Variants in TTI2 observed in about 807,000 individuals in gnomAD.
The protein encoded by TTI2 is TELO2-interacting protein 2.
In TTI2, 26 loss-of-function variants were observed where a neutral mutation model predicts 44.9. The observed-to-expected ratio is 0.58, with a 90% CI of 0.42 to 0.80. The LOEUF is 0.80. Ranked by LOEUF, TTI2 falls within the 30% of genes least tolerant of loss-of-function variation. TTI2 has a pLI of 0.00. For missense variants in TTI2, 582 were observed against 611.6 expected (o/e 0.95, Z 0.51); for synonymous variants, 254 against 250.9 (o/e 1.01, Z -0.12).
At chr8:33,500,014 C>A in intron 7 of TTI2, 2 of 183,942 alleles carry the variant, frequency 1.1e-5, no homozygotes, top group Admixed American at 6.0e-5. Context: ...TTTTTTAATT[C>A]AGAAGACTAG....
intron 1 of TTI2, 160 bp downstream of exon 1, chr8:33,512,922 A>G (rs1040282818): frequency 2.1e-5 from 5 of 241,570 alleles, no homozygotes; most frequent in Non-Finnish European, 4.1e-5. Context: ...GGACGCAAGA[A>G]AGGGAAAGGG....
At chr8:33,509,999 A>C (rs1447286272) in intron 2 of TTI2, 67 bp from the exon 3 acceptor site, 20 of 1,021,610 alleles carry the variant, frequency 2.0e-5, no homozygotes, top group Non-Finnish European at 2.6e-5. Context: ...AAAAAAAAAA[A>C]CTACTTCAAG....
intron 6 of TTI2, 167 bp from the exon 7 acceptor site, chr8:33,500,657 T>G (rs1330895977): frequency 2.7e-6 from 2 of 736,392 alleles, no homozygotes; most frequent in African/African-American, 3.6e-5. Context: ...GCCTCTAGAT[T>G]TCTTACCCTC....
Position 33,499,291 on chromosome 8 carries a change from C to T in TTI2, c.1423-14G>A. The stretch of plus-strand genomic sequence containing the variant: ...GGCCAGGAGACCCTGAAACATGAAA[C>T]CAAACAGGCTTTGATATTTTTTTTT... On this transcript the variant is annotated splice_polypyrimidine_tract_variant and intron_variant, in intron 7 of 7. Transcript: ENST00000431156. 6.3e-7 allele frequency: 1 copy of T among 1,576,784 alleles called. No homozygotes were observed. Among genetic ancestry groups the T allele is most frequent in the South Asian group, 1.1e-5 (1 of 90,278 alleles).
chr8:33,504,039 TA>T (rs1218568065), intron 4 of TTI2, 104 bp from the exon 5 acceptor site: 2 of 1,202,380 alleles, frequency 1.7e-6, no homozygotes, highest in Non-Finnish European at 2.4e-6. Context: ...TTAGGGTCCA[TA>T]CCAGAGAATT....
intron 6 of TTI2, among the ~76,000 whole-genome samples, chr8:33,501,570 T>G (rs1809079755): frequency 6.6e-6 from 1 of 152,234 alleles, no homozygotes; most frequent in Non-Finnish European, 1.5e-5. Context: ...TAATACTAGG[T>G]ACTGAACATA....
Position 33,512,099 on chromosome 8 carries a change from G to C in TTI2, c.515C>G (p.Ala172Gly). 1 of 1,614,088 alleles carries C rather than the reference G, an allele frequency of 6.2e-7. No homozygotes were observed. The highest frequency in any genetic ancestry group is 8.5e-7 in the Non-Finnish European group (1 of 1,180,004). The change falls in exon 2 of 8, where the codon GCT (alanine) becomes GGT (glycine). Residue 172 changes from alanine to glycine, a missense_variant. Physicochemically the swap from Ala to Gly is moderately conservative, Grantham distance 60 (BLOSUM62 0). Coordinates refer to ENST00000431156, the MANE Select transcript of TTI2 (RefSeq NM_001102401.4). ...AAGCAGTGAGGTGAGCACCTCCCTA[G>C]CAACTTCCCGAGATCTCGGAGTGGT... ...PWTTPRSREVAREVLTSLLQV... is the reference protein window; with the variant it reads ...PWTTPRSREVGREVLTSLLQV...
At chr8:33,509,538 C>T (rs991319192) in intron 3 of TTI2, among the ~76,000 whole-genome samples, 3 of 151,636 alleles carry the variant, frequency 2.0e-5, no homozygotes, top group Non-Finnish European at 4.4e-5. Flanking sequence ...TTGATAATGA[C>T]CCATGCCTTC....
chr8:33,500,599 C>A, intron 6 of TTI2, 109 bp from the exon 7 acceptor site: 1 of 1,357,494 alleles, frequency 7.4e-7, no homozygotes, highest in Admixed American at 2.3e-5. Flanking sequence ...AATTAAGGAA[C>A]TTAGGTCAAA....
At chr8:33,502,943 CAT>C (rs1809147000) in intron 6 of TTI2, among the ~76,000 whole-genome samples, 1 of 151,950 alleles carries the variant, frequency 6.6e-6, no homozygotes, top group African/African-American at 2.4e-5. Context: ...GCCTGGCCAA[CAT>C]AGTGAAACCC....
chr8:33,508,207 C>T (rs1011978168), intron 3 of TTI2, among the ~76,000 whole-genome samples: 1 of 150,464 alleles, frequency 6.6e-6, no homozygotes, highest in Admixed American at 6.6e-5. Flanking sequence ...TGTGAAGATC[C>T]CCATGTACAC....
Position 33,512,334 on chromosome 8 carries a change from C to T in TTI2, c.280G>A (p.Ala94Thr). 6.2e-7 allele frequency: 1 copy of T among 1,614,128 alleles called. No individual in the cohort carries two copies. The highest frequency in any genetic ancestry group is 8.5e-7 in the Non-Finnish European group (1 of 1,179,958). Residue 94 changes from alanine to threonine, a missense_variant, in exon 2 of 8, where the codon GCC becomes ACC. Physicochemically the swap from Ala to Thr is moderately conservative, Grantham distance 58 (BLOSUM62 0). Transcript: ENST00000431156. ...QVAKALEKYA[A>T]PSKEEEGGGD... is the part of the protein sequence containing the mutation. ...CCACCTTCCTCCTCCTTGGAGGGGG[C>T]TGCATACTTCTCCAGGGCTTTTGCT...
Position 33,498,724 on chromosome 8 carries a change from TTTTGTGTTGTACTGAACACAATA to T in TTI2, c.*426_*448del. The T allele has an allele frequency of 9.4e-7, 1 of 1,065,718 alleles. No individual in the cohort carries two copies. The highest frequency in any genetic ancestry group is 1.4e-6 in the Non-Finnish European group (1 of 736,920). 66.0% of individuals were successfully genotyped at this position (1,065,718 alleles called of 1,614,324 possible). Reference sequence around the variant, plus strand: ...ACATACACACCTCCAGTTTTTGCTCTTTTGTGTTGTACTGAACACAATATTTGTGTTTTTATTATTTATGCCAC... The same window carrying T: ...ACATACACACCTCCAGTTTTTGCTCTTTTGTGTTTTTATTATTTATGCCAC... On this transcript the variant is annotated 3_prime_UTR_variant, in exon 8 of 8. Transcript: ENST00000431156.
chr8:33,507,281 AGGAC>A lies in TTI2; in HGVS notation c.871_874del (p.Val291TyrfsTer54), dbSNP rs761548623. The stretch of plus-strand genomic sequence containing the variant: ...CAGGTGGTTGGAAATGGCATGGTAT[AGGAC>A]CTGGGCTCTGTTATACTGGAGCAAA... On this transcript the variant is annotated frameshift_variant, in exon 4 of 8. Coordinates refer to ENST00000431156, the MANE Select transcript of TTI2 (RefSeq NM_001102401.4). LOFTEE classifies it high-confidence loss of function. 4.3e-6 allele frequency: 7 copies of A among 1,614,204 alleles called. No individual in the cohort carries two copies. The highest frequency in any genetic ancestry group is 5.9e-6 in the Non-Finnish European group (7 of 1,180,018).
chr8:33,504,981 G>A (rs1181327116), intron 4 of TTI2, among the ~76,000 whole-genome samples: 1 of 152,168 alleles, frequency 6.6e-6, no homozygotes, highest in African/African-American at 2.4e-5. Context: ...CTAGTATCTT[G>A]GGAAGCCAAG....
rs1809021503 is a variant in TTI2 at position 33,500,337 on chromosome 8, T to A, written c.1413A>T (p.Gly471=). ...CLILLDRCSQ[G]RVKGLLAKIP... is the part of the protein sequence containing the mutation. ...TTTCAGTCTGCCTTACCTTTACCCG[T>A]CCTTGAGAACAGCGGTCCAGGAGAA... is the stretch of plus-strand genomic sequence containing the variant. Residue 471 remains glycine (G), a synonymous_variant, in exon 7 of 8, where the codon GGA becomes GGT. Transcript: ENST00000431156. The A allele has an allele frequency of 1.9e-6, 3 of 1,614,080 alleles. No individual in the cohort carries two copies. Among genetic ancestry groups the A allele is most frequent in the South Asian group, 1.1e-5 (1 of 91,080 alleles).
chr8:33,499,622 G>T (rs2128826271), intron 7 of TTI2: 1 of 205,880 alleles, frequency 4.9e-6, no homozygotes, highest in Admixed American at 5.4e-5. Flanking sequence ...TGAATAAACT[G>T]GTAAAATAAC....
At chr8:33,499,949 T>A (rs1285170365) in intron 7 of TTI2, 1 of 160,056 alleles carries the variant, frequency 6.2e-6, no homozygotes, top group Non-Finnish European at 1.4e-5. Flanking sequence ...ACATCTGAAA[T>A]GCTCTATTTA....
rs1809013381 is a variant in TTI2, at chr8:33,500,153, T to C, written c.1422+175A>G. ...AATGGTTCTGAATAGCTTTAAAAGA[T>C]GAATAAGAAAAAAGATCAAGCTCTT... On this transcript the variant is annotated intron_variant, in intron 7 of 7. Coordinates refer to ENST00000431156, the MANE Select transcript of TTI2 (RefSeq NM_001102401.4). The C allele has an allele frequency of 1.8e-5, 12 of 665,726 alleles. No individual in the cohort carries two copies. The South Asian group carries it at 2.3e-4, about 13-fold the overall frequency. 41.2% of individuals were successfully genotyped at this position (665,726 alleles called of 1,614,324 possible). A position where few individuals can be genotyped will look rare whatever the true frequency, so the allele number is the denominator to read the frequency against.
Sources: allele counts gnomAD v4.1 joint callset (sites outside exome capture counted in the v4.1 genomes callset), GRCh38; gene constraint gnomAD v4.1.1; transcripts MANE v1.5; gene names NCBI Gene and HGNC (gene_info 2026-07-23, HGNC 2026-07-21).